The following ERC1 variants were observed in gnomAD, a reference collection of about 807,000 sequenced individuals.
The protein encoded by ERC1 is ELKS/RAB6-interacting/CAST family member 1.
In ERC1, 56 loss-of-function variants were observed where a neutral mutation model predicts 132.0. The ratio of observed to expected loss-of-function variants is 0.42; its 90% CI spans 0.34 to 0.53. The LOEUF (loss-of-function observed/expected upper bound fraction) is 0.53, where lower values mean the gene tolerates loss of function less well. Among genes scored for constraint, ERC1 ranks in the 20% least tolerant of loss-of-function variants. The pLI is 0.03. For missense variants in ERC1, 1,202 were observed against 1,349.9 expected (o/e 0.89, Z 1.72); for synonymous variants, 478 against 476.1 (o/e 1.00, Z -0.05).
intron 18 of ERC1, among the ~76,000 whole-genome samples, chr12:1,464,077 T>C (rs1221294593): frequency 3.9e-5 from 6 of 152,124 alleles, no homozygotes; most frequent in African/African-American, 1.4e-4. Flanking sequence ...GTAAGGGAGA[T>C]AAGGAACTCT....
chr12:1,121,707 CTG>C lies in ERC1; in HGVS notation c.1569+5678_1569+5679del, dbSNP rs1177070563. Among the ~76,000 whole-genome samples the C allele has an allele frequency of 3.7e-4, 16 of 43,448 alleles. 1 individual carries two copies. Among genetic ancestry groups the C allele is most frequent in the African/African-American group, 1.3e-3 (15 of 11,558 alleles). The allele number at this position is 43,448 out of a possible 152,430, so 28.5% of individuals were successfully genotyped here. On this transcript the variant is annotated intron_variant, in intron 7 of 18. Transcript: ENST00000360905. ...TCTCTATCTCTATCTCTATCTCTAT[CTG>C]TGTCTCTATCTCTATCTCTATCTCT...
chr12:1,234,783 C>T (rs1365419641), intron 12 of ERC1, among the ~76,000 whole-genome samples: 1 of 152,114 alleles, frequency 6.6e-6, no homozygotes, highest in Non-Finnish European at 1.5e-5. Flanking sequence ...CATATAGAAA[C>T]TTTGTACACA....
rs184955395 is a variant in ERC1 at position 1,322,479 on chromosome 12, A to G, written c.2780+32467A>G. Among the ~76,000 whole-genome samples the G allele has an allele frequency of 5.5e-4, 84 of 152,316 alleles. No homozygotes were observed. The East Asian group carries it at 7.5e-3, about 14-fold the overall frequency. On this transcript the variant is annotated intron_variant, in intron 15 of 18. Coordinates refer to ENST00000360905, the MANE Select transcript of ERC1 (RefSeq NM_178040.4). ...TTTACTTTCATTTGTACAATTTTCT[A>G]TGAGAAAAAATGAGCAACAACTATC...
Position 1,182,077 on chromosome 12 carries a change from C to T in ERC1, c.2016+12C>T. 1 of 1,611,376 alleles carries T rather than the reference C, an allele frequency of 6.2e-7. No individual in the cohort carries two copies. The highest frequency in any genetic ancestry group is 2.2e-5 in the East Asian group (1 of 44,858). ...TTTCAGAGAAAGAGGTTAAGCTCCC[C>T]AAAATGGAATTAGTTTGTTTGCTTA... On this transcript the variant is annotated intron_variant, in intron 10 of 18. Transcript: ENST00000360905.
chr12:1,063,829 A>G (rs992953793), intron 2 of ERC1, among the ~76,000 whole-genome samples: 4 of 152,064 alleles, frequency 2.6e-5, no homozygotes, highest in Admixed American at 6.6e-5. Context: ...TGTAGTGATA[A>G]CATTTGACTA....
Position 1,274,821 on chromosome 12 carries a change from A to C in ERC1, c.2619+11656A>C, listed in dbSNP as rs1219606599. ...GCATCTCTTAACACATTGATACTTA[A>C]ATTGAGAAATGAAAATGAAAAGTAA... On this transcript the variant is annotated intron_variant, in intron 14 of 18. Transcript: ENST00000360905. 2.6e-5 allele frequency among the ~76,000 whole-genome samples: 4 copies of C among 152,286 alleles called. No homozygotes were observed. The East Asian group carries it at 7.7e-4, about 29-fold the overall frequency.
At chr12:1,444,864 G>A in intron 18 of ERC1, 114 bp downstream of exon 18, 1 of 854,494 alleles carries the variant, frequency 1.2e-6, no homozygotes, top group Non-Finnish European at 1.8e-6. Flanking sequence ...GATGCAGTGG[G>A]GGCTACCTTG....
chr12:1,273,150 A>G (rs938664169), intron 14 of ERC1, among the ~76,000 whole-genome samples: 5 of 152,152 alleles, frequency 3.3e-5, no homozygotes, highest in Admixed American at 6.5e-5. Context: ...TTATCCTTAG[A>G]TGTTATTCCT....
chr12:1,195,846 C>G (rs1956170570), intron 12 of ERC1, among the ~76,000 whole-genome samples: 1 of 144,900 alleles, frequency 6.9e-6, no homozygotes, highest in Non-Finnish European at 1.5e-5. Context: ...CCAGTGCATT[C>G]AAATGGATAT....
In ERC1 at chr12:1,471,516, G is replaced by A. The variant is rs191442071; in HGVS notation, c.3214-18577G>A. On this transcript the variant is annotated intron_variant, in intron 18 of 18. Transcript: ENST00000360905. ...TTGTTCTGGATTTTGTCCAGATAAC[G>A]GTTTAAAACTGAAGTGTTGTATCTA... is the stretch of plus-strand genomic sequence containing the variant. Among the ~76,000 whole-genome samples the A allele has an allele frequency of 3.8e-3, 582 of 152,274 alleles. 5 individuals carry two copies. Among genetic ancestry groups the A allele is most frequent in the Non-Finnish European group, 4.0e-3 (274 of 68,008 alleles).
intron 1 of ERC1, among the ~76,000 whole-genome samples, chr12:1,009,197 C>G (rs1036486156): frequency 1.3e-5 from 2 of 148,662 alleles, no homozygotes; most frequent in African/African-American, 5.0e-5. Context: ...TTTTTTGAGA[C>G]AGAGTCTCTC....
chr12:1,300,961 GA>G (rs2080348152), intron 15 of ERC1, among the ~76,000 whole-genome samples: 1 of 151,838 alleles, frequency 6.6e-6, no homozygotes, highest in South Asian at 2.1e-4. Flanking sequence ...GTACCCAAAG[GA>G]ATATCAATTG....
chr12:1,068,547 A>G (rs1297808990), intron 2 of ERC1, among the ~76,000 whole-genome samples: 1 of 120,740 alleles, frequency 8.3e-6, no homozygotes, highest in East Asian at 2.1e-4. Flanking sequence ...TTTTTTTGTG[A>G]ATAATTTTTA....
chr12:1,175,693 C>G (rs994504945), intron 8 of ERC1, among the ~76,000 whole-genome samples: 10 of 152,058 alleles, frequency 6.6e-5, no homozygotes, highest in African/African-American at 2.4e-4. Context: ...ACCACCACGC[C>G]TGGCTAACTT....
intron 12 of ERC1, among the ~76,000 whole-genome samples, chr12:1,203,035 C>T (rs574893754): frequency 6.6e-6 from 1 of 152,118 alleles, no homozygotes; most frequent in African/African-American, 2.4e-5. Context: ...ATAAATTATG[C>T]CCAGGTGAGA....
At chr12:1,349,518 G>A (rs900014544) in intron 15 of ERC1, among the ~76,000 whole-genome samples, 2 of 151,976 alleles carry the variant, frequency 1.3e-5, no homozygotes, top group South Asian at 2.1e-4. Flanking sequence ...ACAAAAATTA[G>A]CCAGGCATAG....
At chr12:1,015,808 G>T (rs1565787164) in intron 1 of ERC1, among the ~76,000 whole-genome samples, 1 of 152,164 alleles carries the variant, frequency 6.6e-6, no homozygotes, top group Non-Finnish European at 1.5e-5. Flanking sequence ...ACTCGTTGAT[G>T]AGCATAACCC....
chr12:1,171,820 C>G (rs1486178152), intron 8 of ERC1, among the ~76,000 whole-genome samples: 1 of 152,188 alleles, frequency 6.6e-6, no homozygotes, highest in East Asian at 1.9e-4. Flanking sequence ...GCAGAGTAAT[C>G]AGTTCCACTT....
chr12:1,008,751 T>G (rs1964164882), intron 1 of ERC1, among the ~76,000 whole-genome samples: 1 of 152,232 alleles, frequency 6.6e-6, no homozygotes, highest in South Asian at 2.1e-4. Context: ...AAAAGTAGAT[T>G]TATATGCCCA....
Sources: gnomAD v4.1 joint callset for allele counts (sites outside exome capture counted in the v4.1 genomes callset) on GRCh38, gnomAD v4.1.1 for gene constraint, MANE v1.5 for transcripts, NCBI Gene and HGNC (gene_info 2026-07-23, HGNC 2026-07-21) for gene names.